The following SGCZ variants were observed in gnomAD, a reference collection of about 807,000 sequenced individuals.
SGCZ encodes the protein zeta-sarcoglycan.
Under a neutral mutation model 41.3 loss-of-function variants are expected in SGCZ, and 40 were observed. That is an observed-to-expected ratio of 0.97 (90% confidence interval 0.75 to 1.26). The LOEUF (loss-of-function observed/expected upper bound fraction) is 1.26, where lower values mean the gene tolerates loss of function less well. Ranked by LOEUF, SGCZ falls within the 50% of genes most tolerant of loss-of-function variation. The probability of loss-of-function intolerance (pLI) is 0.00; values close to 1 mark genes in which losing one functional copy is unlikely to be tolerated. For synonymous variants in SGCZ, 206 were observed against 137.5 expected, an observed-to-expected ratio of 1.50 and a Z score of -3.49; for missense variants, 552 against 369.8, an observed-to-expected ratio of 1.49 and a Z score of -4.04.
chr8:14,168,358 G>A (rs1804270929), intron 4 of SGCZ, among the ~76,000 whole-genome samples: 1 of 152,076 alleles, frequency 6.6e-6, no homozygotes. Flanking sequence ...AATATGGTTT[G>A]GTTGTCTCCC....
chr8:14,859,003 T>C (rs1164728230), intron 1 of SGCZ, among the ~76,000 whole-genome samples: 2 of 152,146 alleles, frequency 1.3e-5, no homozygotes, highest in African/African-American at 2.4e-5. Context: ...AAAGACCTAA[T>C]ATTCATATCT....
At chr8:15,236,434 G>A (rs535410296) in intron 1 of SGCZ, among the ~76,000 whole-genome samples, 2 of 151,856 alleles carry the variant, frequency 1.3e-5, no homozygotes, top group East Asian at 1.9e-4. Flanking sequence ...CGTTTCTCCA[G>A]CGGGTGGGGG....
intron 1 of SGCZ, among the ~76,000 whole-genome samples, chr8:14,658,749 A>G (rs1807655363): frequency 6.6e-6 from 1 of 152,012 alleles, no homozygotes. Context: ...TGTATTTGTT[A>G]TTCGTTTAGC....
chr8:14,983,102 T>C (rs78231597), intron 1 of SGCZ, among the ~76,000 whole-genome samples: 2,527 of 152,298 alleles, frequency 0.017, 79 homozygotes, highest in African/African-American at 0.058. Flanking sequence ...TACATGTTAA[T>C]AAGATTTTGA....
intron 1 of SGCZ, among the ~76,000 whole-genome samples, chr8:14,799,198 C>A (rs769416238): frequency 4.6e-5 from 7 of 151,864 alleles, no homozygotes; most frequent in Admixed American, 3.3e-4. Flanking sequence ...TATTTAGAAT[C>A]CATTTATTTC....
intron 1 of SGCZ, among the ~76,000 whole-genome samples, chr8:14,562,533 C>CT (rs1405555869): frequency 6.6e-6 from 1 of 151,980 alleles, no homozygotes; most frequent in African/African-American, 2.4e-5. Flanking sequence ...TCGGGGACTA[C>CT]TTTTAAAATG....
chr8:14,836,073 C>T (rs181180733), intron 1 of SGCZ, among the ~76,000 whole-genome samples: 133 of 152,182 alleles, frequency 8.7e-4, no homozygotes, highest in Middle Eastern at 3.4e-3. Context: ...CCTTGATTAA[C>T]GTCATCTAGG....
intron 1 of SGCZ, among the ~76,000 whole-genome samples, chr8:14,699,061 T>C (rs1040765383): frequency 6.6e-6 from 1 of 151,782 alleles, no homozygotes; most frequent in Admixed American, 6.6e-5. Context: ...CTAACTTCTT[T>C]GAGCTTTAAT....
intron 2 of SGCZ, among the ~76,000 whole-genome samples, chr8:14,513,816 C>T (rs1328368775): frequency 6.6e-6 from 1 of 152,004 alleles, no homozygotes; most frequent in Non-Finnish European, 1.5e-5. Flanking sequence ...TTTGAATCTT[C>T]CTCCCTCTAT....
intron 1 of SGCZ, among the ~76,000 whole-genome samples, chr8:14,604,088 T>C (rs916025268): frequency 2.0e-5 from 3 of 152,102 alleles, no homozygotes; most frequent in African/African-American, 7.2e-5. Flanking sequence ...TTGTGACTGT[T>C]TATATAAAAT....
chr8:14,413,637 C>A (rs1344588831), intron 2 of SGCZ, among the ~76,000 whole-genome samples: 1 of 151,966 alleles, frequency 6.6e-6, no homozygotes, highest in Non-Finnish European at 1.5e-5. Flanking sequence ...ATTTCACTGT[C>A]TTGAAAATGC....
chr8:14,680,780 G>C (rs890079240), intron 1 of SGCZ, among the ~76,000 whole-genome samples: 25 of 148,248 alleles, frequency 1.7e-4, no homozygotes, highest in African/African-American at 5.7e-4. Flanking sequence ...CTGGTGAGGA[G>C]AGATACAGAC....
intron 1 of SGCZ, among the ~76,000 whole-genome samples, chr8:14,668,450 T>G (rs771585115): frequency 6.6e-6 from 1 of 152,168 alleles, no homozygotes; most frequent in Non-Finnish European, 1.5e-5. Context: ...AAAGAAACAA[T>G]GGCATGATAA....
At chr8:14,639,038 C>CTT (rs148778266) in intron 1 of SGCZ, among the ~76,000 whole-genome samples, 23,583 of 137,032 alleles carry the variant, frequency 0.17, 2,353 homozygotes, top group African/African-American at 0.2. Flanking sequence ...AAACTGGAAT[C>CTT]TTTTTTTTTT....
intron 1 of SGCZ, among the ~76,000 whole-genome samples, chr8:14,932,311 A>T (rs1799943045): frequency 6.6e-6 from 1 of 152,022 alleles, no homozygotes. Context: ...CTTCATAAGT[A>T]GCTTCTGGCA....
chr8:14,288,536 T>C (rs1800723246), intron 3 of SGCZ, among the ~76,000 whole-genome samples: 1 of 152,176 alleles, frequency 6.6e-6, no homozygotes, highest in Non-Finnish European at 1.5e-5. Flanking sequence ...ATATAATAAA[T>C]GACCTTTTTG....
intron 3 of SGCZ, 135 bp from the exon 4 acceptor site, chr8:14,237,814 C>A (rs1483101731): frequency 3.0e-5 from 20 of 664,692 alleles, no homozygotes; most frequent in Non-Finnish European, 4.6e-5. Context: ...ATTTAACGTC[C>A]CAATCATTGG....
intron 1 of SGCZ, among the ~76,000 whole-genome samples, chr8:14,896,640 C>A (rs1478474751): frequency 6.6e-6 from 1 of 151,858 alleles, no homozygotes; most frequent in Non-Finnish European, 1.5e-5. Context: ...CCACACCTGG[C>A]TAATTTCCGT....
At chr8:14,746,594 C>T (rs534346157) in intron 1 of SGCZ, among the ~76,000 whole-genome samples, 11 of 152,168 alleles carry the variant, frequency 7.2e-5, no homozygotes, top group Non-Finnish European at 1.5e-4. Context: ...AATATTAAAA[C>T]ATTTCTAGCA....
Sources: allele counts gnomAD v4.1 joint callset (sites outside exome capture counted in the v4.1 genomes callset), GRCh38; gene constraint gnomAD v4.1.1; transcripts MANE v1.5; gene names NCBI Gene and HGNC (gene_info 2026-07-23, HGNC 2026-07-21).